Variants in CTR9 observed in about 807,000 individuals in gnomAD.
CTR9 encodes the protein RNA polymerase-associated protein CTR9 homolog.
A neutral mutation model predicts 152.1 loss-of-function variants in CTR9; 41 were observed. The ratio of observed to expected loss-of-function variants is 0.27; its 90% CI spans 0.21 to 0.35. The LOEUF (loss-of-function observed/expected upper bound fraction) is 0.35, where lower values mean the gene tolerates loss of function less well. Ranked by LOEUF, CTR9 falls within the 10% of genes least tolerant of loss-of-function variation. The pLI is 1.00. For synonymous variants in CTR9, 476 were observed against 496.2 expected (o/e 0.96, Z 0.54); for missense variants, 917 against 1,424.4 (o/e 0.64, Z 5.73).
chr11:10,761,900 A>G (rs1356420556), intron 6 of CTR9, 47 bp from the exon 7 acceptor site: 1 of 1,253,638 alleles, frequency 8.0e-7, no homozygotes, highest in Non-Finnish European at 1.1e-6. Flanking sequence ...GAAAAGTGCT[A>G]ATTTAGTATT....
chr11:10,773,031 G>GA (rs879031468), intron 20 of CTR9, 96 bp from the exon 21 acceptor site: 24,859 of 1,071,234 alleles, frequency 0.023, no homozygotes, highest in Middle Eastern at 0.026. Context: ...CATCTCAAAA[G>GA]AAAAAAAAAA....
At chr11:10,777,812 C>T (rs1863266411) in intron 24 of CTR9, among the ~76,000 whole-genome samples, 3 of 152,186 alleles carry the variant, frequency 2.0e-5, no homozygotes, top group Non-Finnish European at 4.4e-5. Flanking sequence ...ACCTCCCTCA[C>T]CGTTCCTAGA....
intron 1 of CTR9, among the ~76,000 whole-genome samples, chr11:10,751,754 G>T (rs1192476850): frequency 2.0e-5 from 3 of 152,176 alleles, no homozygotes; most frequent in Non-Finnish European, 4.4e-5. Flanking sequence ...GGGAGCAGAG[G>T]TGTGAGAGTA....
intron 12 of CTR9, 131 bp downstream of exon 12, chr11:10,764,862 G>A: frequency 2.5e-6 from 2 of 808,408 alleles, no homozygotes; most frequent in South Asian, 2.4e-5. Context: ...ATTTCTCCAG[G>A]GCAAATTTGT....
intron 7 of CTR9, among the ~76,000 whole-genome samples, chr11:10,762,815 G>A (rs1037491945): frequency 1.3e-5 from 2 of 151,900 alleles, no homozygotes; most frequent in Non-Finnish European, 2.9e-5. Context: ...ACCAACACTG[G>A]CAACATAGTG....
chr11:10,755,105 C>G lies in CTR9; in HGVS notation c.292C>G (p.Arg98Gly), dbSNP rs369118804. The G allele has an allele frequency of 1.2e-6, 2 of 1,613,684 alleles. No individual in the cohort carries two copies. The highest frequency in any genetic ancestry group is 2.7e-5 in the African/African-American group (2 of 74,822). ...GGCAGCGTATTATGTACAACAGGCTCGGAAAGAAAAGAATAAGGACAATAA... is the reference window on the plus strand; with the variant it reads ...GGCAGCGTATTATGTACAACAGGCTGGGAAAGAAAAGAATAAGGACAATAA... Reference protein sequence around the residue: ...TLAAYYVQQARKEKNKDNKKD... With the variant: ...TLAAYYVQQAGKEKNKDNKKD... Residue 98 changes from arginine to glycine, a missense_variant, in exon 3 of 25, where the codon CGG (arginine) becomes GGG (glycine). Physicochemically the swap from Arg to Gly is moderately radical, Grantham distance 125 (BLOSUM62 -2). Coordinates refer to ENST00000361367, the MANE Select transcript of CTR9 (RefSeq NM_014633.5).
At chr11:10,762,113 T>C in intron 7 of CTR9, 59 bp downstream of exon 7, 1 of 1,006,734 alleles carries the variant, frequency 9.9e-7, no homozygotes, top group East Asian at 2.5e-5. Flanking sequence ...AATTGATATT[T>C]TATTTCTTTT....
chr11:10,755,159 T>C lies in CTR9; in HGVS notation c.346T>C (p.Leu116=), dbSNP rs747339988. 2 of 1,612,798 alleles carry C rather than the reference T, an allele frequency of 1.2e-6. No individual in the cohort carries two copies. The highest frequency in any genetic ancestry group is 1.7e-6 in the Non-Finnish European group (2 of 1,179,540). Residue 116 remains leucine (L), a synonymous_variant, in exon 3 of 25, where the codon TTG becomes CTG. Coordinates refer to ENST00000361367, the MANE Select transcript of CTR9 (RefSeq NM_014633.5). ...GGATCTTATTACACAGGCCACCTTG[T>C]TGTATACAATGGCCGATAAAATTAT... The part of the protein sequence containing the change: ...KKDLITQATL[L]YTMADKIIMY...
chr11:10,764,543 C>G lies in CTR9; in HGVS notation c.1414-5C>G. The G allele has an allele frequency of 6.2e-7, 1 of 1,602,998 alleles. No homozygotes were observed. Among genetic ancestry groups the G allele is most frequent in the Non-Finnish European group, 8.5e-7 (1 of 1,172,444 alleles). On this transcript the variant is annotated splice_region_variant and splice_polypyrimidine_tract_variant and intron_variant, in intron 11 of 24. Coordinates refer to ENST00000361367, the MANE Select transcript of CTR9 (RefSeq NM_014633.5). ...TTTTAACAGTGTGATTTTTCTTTCT[C>G]ATAGAAATATTTTTTGGCGTCATTG...
chr11:10,778,736 A>G lies in CTR9; in HGVS notation c.3153A>G (p.Lys1051=), dbSNP rs981746207. 6.2e-7 allele frequency: 1 copy of G among 1,614,178 alleles called. No individual in the cohort carries two copies. Among genetic ancestry groups the G allele is most frequent in the South Asian group, 1.1e-5 (1 of 91,072 alleles). The change falls in exon 25 of 25, where the codon AAA becomes AAG. Residue 1051 remains lysine (K), a synonymous_variant. Transcript: ENST00000361367. ...CAGACGAGGACGAACAACGAAAGAA[A>G]TGTGCCTCATCAGAGAGTGATTCCG... ...SDSDEDEQRK[K]CASSESDSDE... is the part of the protein sequence containing the mutation.
intron 24 of CTR9, among the ~76,000 whole-genome samples, chr11:10,777,361 C>T (rs1175175006): frequency 6.6e-6 from 1 of 151,976 alleles, no homozygotes; most frequent in Non-Finnish European, 1.5e-5. Context: ...GTGAGACTAG[C>T]CTGGGCAGCA....
intron 1 of CTR9, among the ~76,000 whole-genome samples, chr11:10,752,445 C>G (rs6484480): frequency 2.0e-5 from 3 of 152,226 alleles, no homozygotes; most frequent in African/African-American, 7.2e-5. Flanking sequence ...TTCCAGTGAT[C>G]TGGGGACAAG....
At position 10,767,270 on chromosome 11, in the gene CTR9, T is replaced by G. The variant is rs1348310712; in HGVS notation, c.1687-536T>G. On this transcript the variant is annotated intron_variant, in intron 13 of 24. Transcript: ENST00000361367. The surrounding 1 kb of genome is among the most constrained non-coding windows in gnomAD (Gnocchi z 4.0). Reference sequence around the variant, plus strand: ...CATGCTTGCTCATGCCTAAGGGTATTTGCAATACCAAATATAGTTTAGTAT... The same window carrying G: ...CATGCTTGCTCATGCCTAAGGGTATGTGCAATACCAAATATAGTTTAGTAT... 6.5e-6 allele frequency: 1 copy of G among 153,728 alleles called. No homozygotes were observed. Among genetic ancestry groups the G allele is most frequent in the Non-Finnish European group, 1.5e-5 (1 of 68,798 alleles). 9.5% of individuals were successfully genotyped at this position (153,728 alleles called of 1,614,324 possible).
At chr11:10,751,606 C>T (rs1373457789) in intron 1 of CTR9, 149 bp downstream of exon 1, 4 of 775,200 alleles carry the variant, frequency 5.2e-6, no homozygotes, top group African/African-American at 1.7e-5. Context: ...TCATCATCTT[C>T]TTCAGCCCCT....
intron 24 of CTR9, among the ~76,000 whole-genome samples, chr11:10,776,715 GTAATCCC>G (rs1168060338): frequency 6.6e-6 from 1 of 152,130 alleles, no homozygotes; most frequent in Non-Finnish European, 1.5e-5. Flanking sequence ...GCTCACACCT[GTAATCCC>G]AGCACTTTGA....
chr11:10,760,197 A>C lies in CTR9; in HGVS notation c.617A>C (p.His206Pro). The change falls in exon 6 of 25, where the codon CAT becomes CCT. Residue 206 changes from histidine to proline, a missense_variant. Physicochemically the swap from His to Pro is moderately conservative, Grantham distance 77 (BLOSUM62 -2). Around this residue, in one of 9 missense-constraint regions of CTR9, gnomAD observed 110 missense variants for 149.5 expected, o/e 0.74. Transcript: ENST00000361367. ...GCGGAAGTTCGTTTAGGAATGGGTC[A>C]TTGCTTTGTGAAACTTAACAAACTG... is the stretch of plus-strand genomic sequence containing the variant. ...CPAEVRLGMG[H>P]CFVKLNKLEK... 6.2e-7 allele frequency: 1 copy of C among 1,614,118 alleles called. No homozygotes were observed. The highest frequency in any genetic ancestry group is 2.2e-5 in the East Asian group (1 of 44,876).
Position 10,779,008 on chromosome 11 carries a change from G to A in CTR9, c.3425G>A (p.Gly1142Asp), listed in dbSNP as rs767925784. 9 of 1,614,164 alleles carry A rather than the reference G, an allele frequency of 5.6e-6. No homozygotes were observed. The Admixed American group carries it at 8.3e-5, about 15-fold the overall frequency. Residue 1142 changes from glycine (G) to aspartate (D), a missense_variant, in exon 25 of 25, where the codon GGT becomes GAT. This residue lies in a region of CTR9 where 384 missense variants were observed against 398.4 expected (regional missense o/e 0.96). Coordinates refer to ENST00000361367, the MANE Select transcript of CTR9 (RefSeq NM_014633.5). ...TCGGAGAGAGGATCTGATAATGAGG[G>A]TTCTGGCCAAGGCTCTGGAAATGAA... Reference protein sequence around the residue: ...HESERGSDNEGSGQGSGNESE... With the variant: ...HESERGSDNEDSGQGSGNESE...
Position 10,774,175 on chromosome 11 carries a change from GTCA to G in CTR9, c.2885+11_2885+13del. On this transcript the variant is annotated splice_region_variant and intron_variant, in intron 22 of 24. Coordinates refer to ENST00000361367, the MANE Select transcript of CTR9 (RefSeq NM_014633.5). ...AAGAAGAAAAAGAGGAGAAGGTAAT[GTCA>G]TCATTAATGTGCTTTAAGTAACCTC... 1.2e-5 allele frequency: 19 copies of G among 1,605,694 alleles called. No homozygotes were observed. The highest frequency in any genetic ancestry group is 1.6e-5 in the Non-Finnish European group (19 of 1,176,886).
intron 24 of CTR9, among the ~76,000 whole-genome samples, chr11:10,777,478 A>G (rs1052611009): frequency 1.3e-5 from 2 of 152,174 alleles, no homozygotes; most frequent in African/African-American, 4.8e-5. Flanking sequence ...TTTTTCCGTA[A>G]AGCACTGTTT....
Sources: allele counts gnomAD v4.1 joint callset (sites outside exome capture counted in the v4.1 genomes callset), GRCh38; gene constraint gnomAD v4.1.1; regional missense constraint gnomAD v4.1.1; non-coding constraint Gnocchi (gnomAD v3.1); transcripts MANE v1.5; gene names NCBI Gene and HGNC (gene_info 2026-07-23, HGNC 2026-07-21).